The following SGCD variants were observed in gnomAD, a reference collection of about 807,000 sequenced individuals.
SGCD encodes the protein sarcoglycan delta.
Under a neutral mutation model 36.6 loss-of-function variants are expected in SGCD, and 18 were observed. That is an observed-to-expected ratio of 0.49 (90% CI 0.34 to 0.73). The LOEUF is 0.73. Among genes scored for constraint, SGCD ranks in the 30% least tolerant of loss-of-function variants. The pLI is 0.01. For missense variants in SGCD, 387 were observed against 346.7 expected, an observed-to-expected ratio of 1.12 and a Z score of -0.92; for synonymous variants, 133 against 130.6, an observed-to-expected ratio of 1.02 and a Z score of -0.12.
At chr5:156,081,311 C>A (rs1448642664) in intron 1 of SGCD, among the ~76,000 whole-genome samples, 1 of 152,168 alleles carries the variant, frequency 6.6e-6, no homozygotes, top group Non-Finnish European at 1.5e-5. Context: ...CCTCATGATG[C>A]AAACCCTCCC....
chr5:156,713,956 G>T (rs1581446999), intron 7 of SGCD, among the ~76,000 whole-genome samples: 3 of 152,232 alleles, frequency 2.0e-5, no homozygotes, highest in African/African-American at 7.2e-5. Context: ...CCTGGTATGA[G>T]TCCCAATTGT....
intron 6 of SGCD, among the ~76,000 whole-genome samples, chr5:156,632,692 C>T (rs1762681538): frequency 6.6e-6 from 1 of 152,146 alleles, no homozygotes; most frequent in Non-Finnish European, 1.5e-5. Context: ...AGCCAGTGAC[C>T]TGCAAAGTCT....
intron 1 of SGCD, among the ~76,000 whole-genome samples, chr5:155,921,085 T>A (rs558403660): frequency 6.6e-6 from 1 of 152,144 alleles, no homozygotes; most frequent in African/African-American, 2.4e-5. Flanking sequence ...GAGCCCAGGA[T>A]AAAAACACGG....
At chr5:155,752,051 G>A in the SGCD span, among the ~76,000 whole-genome samples, 1 of 152,150 alleles carries the variant, frequency 6.6e-6, no homozygotes, top group Non-Finnish European at 1.5e-5. Context: ...AAAAAAGCAA[G>A]TTATGATCTA....
At chr5:156,080,350 G>A (rs1760918524) in intron 1 of SGCD, among the ~76,000 whole-genome samples, 1 of 152,114 alleles carries the variant, frequency 6.6e-6, no homozygotes, top group Non-Finnish European at 1.5e-5. Flanking sequence ...CCATTGTCTT[G>A]GCTAATTGCA....
chr5:156,668,298 C>G (rs996940911), intron 7 of SGCD, among the ~76,000 whole-genome samples: 2 of 152,168 alleles, frequency 1.3e-5, no homozygotes, highest in African/African-American at 4.8e-5. Flanking sequence ...AGCTTTTCTC[C>G]TTTTCTTTCC....
At chr5:156,207,315 G>T (rs1248925145) in intron 3 of SGCD, among the ~76,000 whole-genome samples, 2 of 152,136 alleles carry the variant, frequency 1.3e-5, no homozygotes, top group Non-Finnish European at 2.9e-5. Context: ...GAGAGTTCAT[G>T]TTTTTGGGGG....
At chr5:156,478,795 G>C (rs919632445) in intron 3 of SGCD, among the ~76,000 whole-genome samples, 2 of 152,128 alleles carry the variant, frequency 1.3e-5, no homozygotes, top group African/African-American at 4.8e-5. Flanking sequence ...TGGCCAGGTT[G>C]GTCTCGAACT....
At chr5:156,650,765 T>C (rs1255990496) in intron 7 of SGCD, among the ~76,000 whole-genome samples, 1 of 152,060 alleles carries the variant, frequency 6.6e-6, no homozygotes, top group Non-Finnish European at 1.5e-5. Flanking sequence ...GATTTTTGTG[T>C]CTTAGTGTTG....
intron 3 of SGCD, among the ~76,000 whole-genome samples, chr5:156,372,456 G>A (rs7732608): frequency 0.52 from 78,578 of 151,928 alleles, 20,894 homozygotes; most frequent in East Asian, 0.85. Context: ...ACCATGGCTC[G>A]TTTGAATTTA....
chr5:156,168,619 T>C (rs1366722346), intron 3 of SGCD, among the ~76,000 whole-genome samples: 2 of 152,190 alleles, frequency 1.3e-5, no homozygotes, highest in Non-Finnish European at 2.9e-5. Context: ...ATAAGGCCAA[T>C]AAATACACCT....
At chr5:156,139,329 A>G (rs1762523405) in intron 3 of SGCD, among the ~76,000 whole-genome samples, 1 of 149,448 alleles carries the variant, frequency 6.7e-6, no homozygotes, top group Admixed American at 6.7e-5. Context: ...GTAGCAGTCT[A>G]TCTTGAATTA....
At chr5:156,740,817 A>C (rs1254298591) in intron 7 of SGCD, among the ~76,000 whole-genome samples, 1 of 152,202 alleles carries the variant, frequency 6.6e-6, no homozygotes, top group East Asian at 1.9e-4. Context: ...CACGTTTCAA[A>C]AGCTCCCCTT....
At chr5:156,453,405 A>G (rs181661961) in intron 3 of SGCD, among the ~76,000 whole-genome samples, 1 of 152,266 alleles carries the variant, frequency 6.6e-6, no homozygotes, top group African/African-American at 2.4e-5. Flanking sequence ...GGGGCTGGAA[A>G]ATTATATACC....
chr5:156,452,218 T>C (rs1754052262), intron 3 of SGCD, among the ~76,000 whole-genome samples: 1 of 152,162 alleles, frequency 6.6e-6, no homozygotes, highest in Admixed American at 6.6e-5. Flanking sequence ...TCACTGCTTA[T>C]TCTTACCACG....
At chr5:156,471,664 C>A (rs1754968577) in intron 3 of SGCD, among the ~76,000 whole-genome samples, 1 of 151,922 alleles carries the variant, frequency 6.6e-6, no homozygotes, top group South Asian at 2.1e-4. Context: ...AGTTCATATA[C>A]TAAAATATAA....
chr5:156,260,146 T>A (rs986266079), intron 3 of SGCD, among the ~76,000 whole-genome samples: 1 of 152,224 alleles, frequency 6.6e-6, no homozygotes, highest in African/African-American at 2.4e-5. Flanking sequence ...GTGGTCTTGA[T>A]TATTGTAGCC....
At chr5:156,295,991 A>G (rs1182275037) in intron 3 of SGCD, among the ~76,000 whole-genome samples, 2 of 152,192 alleles carry the variant, frequency 1.3e-5, no homozygotes, top group Non-Finnish European at 2.9e-5. Flanking sequence ...ATGAATGTTA[A>G]ATCAGATGGT....
At chr5:156,745,621 C>T (rs1756907411) in intron 7 of SGCD, among the ~76,000 whole-genome samples, 1 of 152,104 alleles carries the variant, frequency 6.6e-6, no homozygotes, top group African/African-American at 2.4e-5. Context: ...TGTAGACCCA[C>T]AGAGGCTTCA....
Sources: gnomAD v4.1 joint callset for allele counts (sites outside exome capture counted in the v4.1 genomes callset) on GRCh38, gnomAD v4.1.1 for gene constraint, MANE v1.5 for transcripts, NCBI Gene and HGNC (gene_info 2026-07-23, HGNC 2026-07-21) for gene names.